Variants in VPS52 observed in about 807,000 individuals in gnomAD.
The protein encoded by VPS52 is vacuolar protein sorting-associated protein 52 homolog.
VPS52 carries 56 observed loss-of-function variants against 98.7 expected under a neutral mutation model. The observed-to-expected ratio is 0.57, with a 90% CI of 0.46 to 0.71. VPS52 has a LOEUF of 0.71. Among genes scored for constraint, VPS52 ranks in the 30% least tolerant of loss-of-function variants. VPS52 has a pLI of 0.00. For synonymous variants in VPS52, 348 were observed against 346.4 expected (o/e 1.00, Z -0.05); for missense variants, 742 against 925.9 (o/e 0.80, Z 2.58).
rs750619123 is a variant in VPS52, at chr6:33,251,633, C to T, written c.1910G>A (p.Arg637Gln). ...QAERLRGEEA[R>Q]VTQLIRGFGS... ...AAAGCCACGGATCAGCTGAGTTACC[C>T]GGGCTAATAGCAGGAGGAAACAGTG... The change falls in exon 19 of 20, where the codon CGG becomes CAG. Residue 637 changes from arginine (R) to glutamine (Q), a missense_variant. Physicochemically the swap from Arg to Gln is conservative, Grantham distance 43. This residue lies in a region of VPS52 where 590 missense variants were observed against 793.3 expected (regional missense o/e 0.74). Coordinates refer to ENST00000445902, the MANE Select transcript of VPS52 (RefSeq NM_022553.6). 23 of 1,611,164 alleles carry T rather than the reference C, an allele frequency of 1.4e-5. No individual in the cohort carries two copies. Among genetic ancestry groups the T allele is most frequent in the Non-Finnish European group, 1.5e-5 (18 of 1,177,954 alleles).
Position 33,268,784 on chromosome 6 carries a change from G to A in VPS52, c.549-135C>T, listed in dbSNP as rs1481560334. ...ATTGTACCATATAGTCAGGACACAT[G>A]TACAAAGTTTTCTATTCCTGGACCT... On this transcript the variant is annotated intron_variant, in intron 6 of 19. Transcript: ENST00000445902. The surrounding 1 kb of genome is among the most constrained non-coding windows in gnomAD (Gnocchi z 4.0). 8.1e-7 allele frequency: 1 copy of A among 1,229,174 alleles called. No individual in the cohort carries two copies. The highest frequency in any genetic ancestry group is 2.8e-5 in the Admixed American group (1 of 35,280). The allele number at this position is 1,229,174 out of a possible 1,614,324, so 76.1% of individuals were successfully genotyped here.
At chr6:33,265,517 C>T (rs533273270) in intron 12 of VPS52, among the ~76,000 whole-genome samples, 137 of 152,290 alleles carry the variant, frequency 9.0e-4, no homozygotes, top group Non-Finnish European at 5.0e-4. Flanking sequence ...TGGGTGTGTA[C>T]CACCATGCCT....
At chr6:33,255,559 G>A (rs549091861) in intron 17 of VPS52, among the ~76,000 whole-genome samples, 18 of 150,198 alleles carry the variant, frequency 1.2e-4, no homozygotes, top group African/African-American at 4.2e-4. Flanking sequence ...GGCCAAGGCG[G>A]GCAGATGACG....
rs1764825312 is a variant in VPS52, at chr6:33,270,126, C to G, written c.175+73G>C. The stretch of plus-strand genomic sequence containing the variant: ...CCACATTGAGTATCTGCACACCAAT[C>G]CCTACCTTATTCCTTCCAGCCCCCA... On this transcript the variant is annotated intron_variant, in intron 2 of 19. Coordinates refer to ENST00000445902, the MANE Select transcript of VPS52 (RefSeq NM_022553.6). The G allele has an allele frequency of 1.9e-6, 3 of 1,612,582 alleles. No individual in the cohort carries two copies. The African/African-American group carries it at 4.0e-5, about 22-fold the overall frequency.
intron 5 of VPS52, 62 bp downstream of exon 5, chr6:33,269,428 G>A: frequency 6.2e-7 from 1 of 1,602,936 alleles, no homozygotes; most frequent in Non-Finnish European, 8.5e-7. Context: ...CCTAAAAATG[G>A]CACCAGAGTC....
Position 33,267,613 on chromosome 6 carries a change from T to C in VPS52, c.991+69A>G, listed in dbSNP as rs563970078. On this transcript the variant is annotated intron_variant, in intron 10 of 19. Transcript: ENST00000445902. The surrounding 1 kb of genome is among the most constrained non-coding windows in gnomAD (Gnocchi z 4.2). ...ATAGGAAAAGGTAAGGAGCAGTGCA[T>C]TGGTGGCTGGAGTCGAAAGTCCTCC... 217 of 1,567,624 alleles carry C rather than the reference T, an allele frequency of 1.4e-4. 1 individual carries two copies. In the East Asian group the frequency reaches 4.4e-3, roughly 32 times the overall value.
At chr6:33,255,636 C>CA (rs1419070931) in intron 17 of VPS52, among the ~76,000 whole-genome samples, 3 of 150,562 alleles carry the variant, frequency 2.0e-5, no homozygotes, top group South Asian at 2.1e-4. Flanking sequence ...ATACAAAATA[C>CA]AAAAAAAATA....
chr6:33,257,363 T>C (rs996902295), intron 17 of VPS52, among the ~76,000 whole-genome samples: 4 of 151,904 alleles, frequency 2.6e-5, no homozygotes, highest in Non-Finnish European at 5.9e-5. Context: ...GAAGAAAATG[T>C]AGCATAATAT....
chr6:33,256,428 G>GCACTC lies in VPS52; in HGVS notation c.1795-4462_1795-4458dup, dbSNP rs551760111. Among the ~76,000 whole-genome samples the GCACTC allele has an allele frequency of 7.7e-4, 96 of 124,626 alleles. 4 individuals carry two copies. In the South Asian group the frequency reaches 0.026, roughly 33 times the overall value. 81.8% of individuals were successfully genotyped at this position (124,626 alleles called of 152,430 possible). On this transcript the variant is annotated intron_variant, in intron 17 of 19. Coordinates refer to ENST00000445902, the MANE Select transcript of VPS52 (RefSeq NM_022553.6). ...TGCAGTGAGCTATGATTGTGCCACTGCACTCCAACCTGAGTGACAGAGCAA... is the reference window on the plus strand; with the variant it reads ...TGCAGTGAGCTATGATTGTGCCACTGCACTCCACTCCAACCTGAGTGACAGAGCAA...
intron 3 of VPS52, 52 bp from the exon 4 acceptor site, chr6:33,269,871 CTG>C (rs1164343717): frequency 1.3e-6 from 2 of 1,596,864 alleles, no homozygotes; most frequent in African/African-American, 2.7e-5. Context: ...TAAAGGGACA[CTG>C]TAACAGAATC....
rs761403447 is a variant in VPS52, at chr6:33,269,199, G to A, written c.373-10C>T. The A allele has an allele frequency of 7.4e-6, 12 of 1,612,904 alleles. No individual in the cohort carries two copies. Among genetic ancestry groups the A allele is most frequent in the Non-Finnish European group, 1.0e-5 (12 of 1,179,912 alleles). On this transcript the variant is annotated splice_polypyrimidine_tract_variant and intron_variant, in intron 5 of 19. Coordinates refer to ENST00000445902, the MANE Select transcript of VPS52 (RefSeq NM_022553.6). ...ACATCTGCTCCATTCGCTGTAGGGA[G>A]GGTAGATGTTGCCGGAGTGCTATAG...
chr6:33,266,501 T>C, intron 12 of VPS52, 56 bp downstream of exon 12: 2 of 1,507,390 alleles, frequency 1.3e-6, no homozygotes, highest in South Asian at 2.7e-5. Flanking sequence ...CCCACTATGC[T>C]GCTGATGAAG....
At chr6:33,261,195 C>T (rs1467737144) in intron 17 of VPS52, among the ~76,000 whole-genome samples, 1 of 151,958 alleles carries the variant, frequency 6.6e-6, no homozygotes, top group Non-Finnish European at 1.5e-5. Context: ...TGGTCAGGCA[C>T]GGTAGCTCAC....
chr6:33,256,308 GA>G (rs200321514), intron 17 of VPS52, among the ~76,000 whole-genome samples: 8 of 145,176 alleles, frequency 5.5e-5, no homozygotes, highest in East Asian at 2.0e-4. Context: ...ATTCTCTACA[GA>G]AAAAAAAAAG....
chr6:33,263,460 C>G, intron 17 of VPS52, 24 bp downstream of exon 17: 2 of 1,608,546 alleles, frequency 1.2e-6, no homozygotes, highest in Non-Finnish European at 1.7e-6. Context: ...AAGGCTGTCT[C>G]TTCCCTTTTC....
chr6:33,266,189 G>T (rs1180492708), intron 12 of VPS52, among the ~76,000 whole-genome samples: 2 of 142,970 alleles, frequency 1.4e-5, no homozygotes, highest in South Asian at 2.2e-4. Flanking sequence ...TTTGAGACAG[G>T]TCTCACTCTG....
intron 13 of VPS52, 84 bp downstream of exon 13, chr6:33,264,698 G>T: frequency 7.0e-7 from 1 of 1,438,434 alleles, no homozygotes; most frequent in Non-Finnish European, 9.8e-7. Context: ...TACCAGGTCA[G>T]TAGGAGTCTA....
chr6:33,264,026 T>A lies in VPS52; in HGVS notation c.1602A>T (p.Gln534His). 1 of 1,614,182 alleles carries A rather than the reference T, an allele frequency of 6.2e-7. No homozygotes were observed. Among genetic ancestry groups the A allele is most frequent in the South Asian group, 1.1e-5 (1 of 91,088 alleles). Residue 534 changes from glutamine (Q) to histidine (H), a missense_variant, in exon 15 of 20, where the codon CAA becomes CAT. Gln to His is a conservative substitution (Grantham distance 24, BLOSUM62 0). Transcript: ENST00000445902. The stretch of plus-strand genomic sequence containing the variant: ...CCCTCACCTGCAGCTGTCCCAGCAA[T>A]TGCATGGTCCGTTCATTAGGAATTG... ...NQTIPNERTM[Q>H]LLGQLQVEVE...
rs1344285019 is a variant in VPS52, at chr6:33,268,882, G to C, written c.548+132C>G. On this transcript the variant is annotated intron_variant, in intron 6 of 19. Coordinates refer to ENST00000445902, the MANE Select transcript of VPS52 (RefSeq NM_022553.6). This position sits in a 1 kb window ranked among gnomAD's most constrained non-coding sequence, Gnocchi z 4.0. ...TGCCTAATGCATACCTAAAGAAATG[G>C]TGGTTAACCTGGCTACTAATTTCTA... The C allele has an allele frequency of 8.0e-7, 1 of 1,252,330 alleles. No homozygotes were observed. The highest frequency in any genetic ancestry group is 1.5e-5 in the African/African-American group (1 of 66,112). The allele number at this position is 1,252,330 out of a possible 1,614,324, so 77.6% of individuals were successfully genotyped here. A position where few individuals can be genotyped will look rare whatever the true frequency, so the allele number is the denominator to read the frequency against.
Sources: gnomAD v4.1 joint callset for allele counts (sites outside exome capture counted in the v4.1 genomes callset) on GRCh38, gnomAD v4.1.1 for gene constraint, gnomAD v4.1.1 regional missense constraint, Gnocchi (gnomAD v3.1) non-coding constraint, MANE v1.5 for transcripts, NCBI Gene and HGNC (gene_info 2026-07-23, HGNC 2026-07-21) for gene names.